Variants in NUP210L observed in about 807,000 individuals in gnomAD.
The protein encoded by NUP210L is nucleoporin 210 like, also known as nuclear pore membrane glycoprotein 210-like.
Under a neutral mutation model 208.5 loss-of-function variants are expected in NUP210L, and 74 were observed. The ratio of observed to expected loss-of-function variants is 0.35; its 90% CI spans 0.29 to 0.43. NUP210L has a LOEUF of 0.43. Ranked by LOEUF, NUP210L falls within the 20% of genes least tolerant of loss-of-function variation. The pLI, the probability that NUP210L is intolerant of heterozygous loss-of-function variation, is 1.00. For missense variants in NUP210L, 1,843 were observed against 2,289.4 expected, an observed-to-expected ratio of 0.81 and a Z score of 3.98; for synonymous variants, 780 against 816.9, an observed-to-expected ratio of 0.95 and a Z score of 0.77.
exon 31 of NUP210L, chr1:154,023,248 G>C: frequency 6.2e-7 from 1 of 1,613,714 alleles, no homozygotes; most frequent in Non-Finnish European, 8.5e-7. Flanking sequence ...TCCTTGGGCT[G>C]TGTATAGCTT....
rs548845241 is a variant in NUP210L, at chr1:154,134,124, T to C, written c.1009+1690A>G. On this transcript the variant is annotated intron_variant, in intron 7 of 39. Coordinates refer to ENST00000368559, the Ensembl canonical transcript of NUP210L. ...GAAATCGCGCCACTGCACTCCAGCT[T>C]GGGCAACAAGAGCAAAACTCCACCT... Among the ~76,000 whole-genome samples, 8 of 149,722 alleles carry C rather than the reference T, an allele frequency of 5.3e-5. No individual in the cohort carries two copies. In the East Asian group the frequency reaches 1.6e-3, roughly 29 times the overall value.
intron 15 of NUP210L, among the ~76,000 whole-genome samples, chr1:154,091,666 A>G (rs1035129365): frequency 2.0e-5 from 3 of 151,328 alleles, no homozygotes; most frequent in Non-Finnish European, 4.4e-5. Flanking sequence ...ACGTCCGGCT[A>G]ATTTTTGTAT....
exon 14 of NUP210L, chr1:154,100,077 G>C: frequency 6.2e-7 from 1 of 1,613,978 alleles, no homozygotes; most frequent in Non-Finnish European, 8.5e-7. Context: ...TGTTACCAGA[G>C]TATGGCCAAG....
intron 12 of NUP210L, among the ~76,000 whole-genome samples, chr1:154,116,934 T>TAA (rs1657361414): frequency 6.6e-6 from 1 of 152,082 alleles, no homozygotes; most frequent in African/African-American, 2.4e-5. Context: ...AGCACTGGAG[T>TAA]AAACACTATC....
intron 25 of NUP210L, among the ~76,000 whole-genome samples, chr1:154,048,676 T>C (rs946179449): frequency 1.3e-5 from 2 of 152,224 alleles, no homozygotes; most frequent in Non-Finnish European, 2.9e-5. Context: ...AGTAGATTTA[T>C]GCTGCACAAA....
exon 22 of NUP210L, chr1:154,058,178 A>G: frequency 6.2e-7 from 1 of 1,614,186 alleles, no homozygotes; most frequent in Non-Finnish European, 8.5e-7. Flanking sequence ...AAGAGCCAAG[A>G]ACCCTCACAG....
intron 14 of NUP210L, among the ~76,000 whole-genome samples, chr1:154,096,389 TA>T (rs1288445031): frequency 1.3e-5 from 2 of 152,152 alleles, no homozygotes; most frequent in Non-Finnish European, 2.9e-5. Flanking sequence ...GAAATCCAAA[TA>T]AAGTCTTGTC....
intron 27 of NUP210L, among the ~76,000 whole-genome samples, chr1:154,039,367 G>A: frequency 6.6e-6 from 1 of 151,790 alleles, no homozygotes; most frequent in East Asian, 1.9e-4. Context: ...CTGACTAGCT[G>A]GGATTACAGG....
At chr1:154,092,732 G>A (rs571504967) in intron 15 of NUP210L, among the ~76,000 whole-genome samples, 1 of 148,428 alleles carries the variant, frequency 6.7e-6, no homozygotes, top group Admixed American at 6.9e-5. Flanking sequence ...TGTTTTGTTT[G>A]TTTGTTTTTT....
At chr1:154,023,333 T>A in intron 30 of NUP210L, 36 bp from the exon 31 acceptor site, 1 of 1,537,384 alleles carries the variant, frequency 6.5e-7, no homozygotes, top group South Asian at 1.2e-5. Context: ...CAGAGAAAGA[T>A]GCACTGGAGA....
chr1:154,151,818 G>A (rs1659400401), intron 2 of NUP210L, among the ~76,000 whole-genome samples: 1 of 152,010 alleles, frequency 6.6e-6, no homozygotes, highest in Non-Finnish European at 1.5e-5. Flanking sequence ...TCCGGGCACG[G>A]TGGCTCACAC....
intron 12 of NUP210L, among the ~76,000 whole-genome samples, chr1:154,112,673 T>C (rs749760173): frequency 4.6e-5 from 7 of 151,418 alleles, no homozygotes; most frequent in East Asian, 2.0e-4. Context: ...CTGGGCAATA[T>C]AGGGAGACCC....
chr1:153,997,880 T>A (rs1281274692), intron 37 of NUP210L, among the ~76,000 whole-genome samples: 1 of 151,764 alleles, frequency 6.6e-6, no homozygotes, highest in Non-Finnish European at 1.5e-5. Context: ...TATTTATTTT[T>A]TTTATTTTTA....
chr1:153,997,113 G>A (rs1464165093), intron 37 of NUP210L, among the ~76,000 whole-genome samples: 5 of 151,820 alleles, frequency 3.3e-5, no homozygotes, highest in Non-Finnish European at 7.4e-5. Context: ...ACAGGGGCCC[G>A]CCACCACGCC....
intron 27 of NUP210L, 83 bp from the exon 28 acceptor site, chr1:154,030,137 A>AT (rs911167024): frequency 1.7e-4 from 162 of 960,550 alleles, no homozygotes; most frequent in Non-Finnish European, 1.9e-4. Context: ...TTAATATTAA[A>AT]TTTTTTTTTA....
intron 38 of NUP210L, 44 bp from the exon 39 acceptor site, chr1:153,993,133 G>A: frequency 1.4e-6 from 2 of 1,380,318 alleles, no homozygotes; most frequent in Non-Finnish European, 1.0e-6. Flanking sequence ...TCTGAGGAAG[G>A]CCTTAAAAGG....
At chr1:153,997,750 G>C (rs1165887943) in intron 37 of NUP210L, among the ~76,000 whole-genome samples, 2 of 149,876 alleles carry the variant, frequency 1.3e-5, no homozygotes, top group Non-Finnish European at 3.0e-5. Flanking sequence ...GAGTGCAGTG[G>C]TGCGATCTCG....
At chr1:154,079,225 C>T (rs1460035084) in intron 16 of NUP210L, among the ~76,000 whole-genome samples, 3 of 151,890 alleles carry the variant, frequency 2.0e-5, no homozygotes, top group Non-Finnish European at 4.4e-5. Context: ...CAGCACTGCA[C>T]TACAGTCTGG....
chr1:154,012,308 A>G (rs1419398272), exon 34 of NUP210L: 1 of 1,613,176 alleles, frequency 6.2e-7, no homozygotes, highest in Non-Finnish European at 8.5e-7. Context: ...AATTGAGGGT[A>G]TTGGTGAGAT....
Sources: gnomAD v4.1 joint callset for allele counts (sites outside exome capture counted in the v4.1 genomes callset) on GRCh38, gnomAD v4.1.1 for gene constraint, MANE v1.5 for transcripts, NCBI Gene and HGNC (gene_info 2026-07-23, HGNC 2026-07-21) for gene names.